The following CDH9 variants were observed in gnomAD, a reference collection of about 807,000 sequenced individuals.
The protein encoded by CDH9 is cadherin 9.
CDH9 carries 28 observed loss-of-function variants against 70.9 expected under a neutral mutation model. The observed-to-expected ratio is 0.40, with a 90% CI of 0.29 to 0.54. The LOEUF (loss-of-function observed/expected upper bound fraction) is 0.54, where lower values mean the gene tolerates loss of function less well. CDH9 is among the 20% of genes least tolerant of loss of function. CDH9 has a pLI of 0.59. For missense variants in CDH9, 874 were observed against 984.4 expected, an observed-to-expected ratio of 0.89 and a Z score of 1.50; for synonymous variants, 409 against 343.1, an observed-to-expected ratio of 1.19 and a Z score of -2.12.
chr5:27,023,121 A>C (rs994115269), intron 1 of CDH9, among the ~76,000 whole-genome samples: 1 of 152,030 alleles, frequency 6.6e-6, no homozygotes, highest in Non-Finnish European at 1.5e-5. Flanking sequence ...AAATGAATAC[A>C]AGATCCCTCT....
At chr5:26,952,989 T>C (rs995350665) in intron 2 of CDH9, among the ~76,000 whole-genome samples, 4 of 150,930 alleles carry the variant, frequency 2.7e-5, no homozygotes, top group Non-Finnish European at 5.9e-5. Flanking sequence ...AATTAAAGAA[T>C]TTCATAATTA....
chr5:27,017,125 C>A (rs1051651786), intron 1 of CDH9, among the ~76,000 whole-genome samples: 1 of 151,614 alleles, frequency 6.6e-6, no homozygotes, highest in Admixed American at 6.6e-5. Flanking sequence ...ATATATATGT[C>A]AAAGTACTTT....
At chr5:26,917,167 A>G (rs1365858696) in intron 2 of CDH9, among the ~76,000 whole-genome samples, 1 of 151,974 alleles carries the variant, frequency 6.6e-6, no homozygotes, top group East Asian at 1.9e-4. Context: ...AATTATGACT[A>G]CAGTATATTT....
At chr5:26,925,358 T>C (rs927827796) in intron 2 of CDH9, among the ~76,000 whole-genome samples, 4 of 152,200 alleles carry the variant, frequency 2.6e-5, no homozygotes, top group South Asian at 2.1e-4. Flanking sequence ...TTTTGAGAAG[T>C]ATCTGTTCAT....
At chr5:27,032,378 A>C (rs1308626647) in intron 1 of CDH9, among the ~76,000 whole-genome samples, 5 of 151,676 alleles carry the variant, frequency 3.3e-5, no homozygotes, top group Non-Finnish European at 5.9e-5. Context: ...ATAAGTGTAC[A>C]TATTATTATA....
intron 5 of CDH9, among the ~76,000 whole-genome samples, chr5:26,905,202 CA>C (rs1452405009): frequency 2.0e-5 from 3 of 151,904 alleles, no homozygotes; most frequent in African/African-American, 7.3e-5. Context: ...TTATTCACTG[CA>C]AAATAACAAA....
At chr5:26,962,146 G>T (rs1742047590) in intron 2 of CDH9, among the ~76,000 whole-genome samples, 1 of 152,090 alleles carries the variant, frequency 6.6e-6, no homozygotes, top group Admixed American at 6.6e-5. Flanking sequence ...TCCCTGCAAA[G>T]GACATAAACT....
intron 2 of CDH9, 41 bp downstream of exon 2, chr5:26,988,065 G>C (rs764744937): frequency 1.4e-6 from 2 of 1,428,002 alleles, no homozygotes; most frequent in Non-Finnish European, 1.9e-6. Context: ...ATAAATAGCT[G>C]TCACTTTCAG....
At chr5:26,937,606 C>T (rs1158194317) in intron 2 of CDH9, among the ~76,000 whole-genome samples, 4 of 152,052 alleles carry the variant, frequency 2.6e-5, no homozygotes, top group African/African-American at 9.7e-5. Flanking sequence ...AGTAATAAAT[C>T]ATGGTACATC....
chr5:26,910,353 G>T (rs996179877), intron 3 of CDH9, among the ~76,000 whole-genome samples: 2 of 152,082 alleles, frequency 1.3e-5, no homozygotes, highest in African/African-American at 4.8e-5. Context: ...AATTTAAACG[G>T]TTTTCTACAC....
At chr5:26,936,863 GCA>G (rs4052340) in intron 2 of CDH9, among the ~76,000 whole-genome samples, 5 of 120,126 alleles carry the variant, frequency 4.2e-5, no homozygotes, top group Non-Finnish European at 6.0e-5. Context: ...ACACACACAC[GCA>G]CACACACACA....
At chr5:26,915,588 A>G (rs1741134039) in intron 3 of CDH9, 42 bp downstream of exon 3, 1 of 1,170,616 alleles carries the variant, frequency 8.5e-7, no homozygotes, top group East Asian at 2.3e-5. Context: ...CTGAGCAAAC[A>G]AACAAATAAA....
At chr5:26,901,246 G>A (rs1046477047) in intron 7 of CDH9, among the ~76,000 whole-genome samples, 1 of 151,866 alleles carries the variant, frequency 6.6e-6, no homozygotes, top group African/African-American at 2.4e-5. Flanking sequence ...TACATAATTT[G>A]ATACTGATAA....
At chr5:26,963,490 G>A (rs1742075033) in intron 2 of CDH9, among the ~76,000 whole-genome samples, 1 of 152,038 alleles carries the variant, frequency 6.6e-6, no homozygotes, top group African/African-American at 2.4e-5. Flanking sequence ...AGCCCATCGA[G>A]AACATTTTTT....
At chr5:26,942,432 T>C (rs778504999) in intron 2 of CDH9, among the ~76,000 whole-genome samples, 9 of 152,172 alleles carry the variant, frequency 5.9e-5, no homozygotes, top group Non-Finnish European at 1.2e-4. Flanking sequence ...ACAGCCCTCA[T>C]GATTTAATCC....
chr5:26,957,697 C>A (rs1361231445), intron 2 of CDH9, among the ~76,000 whole-genome samples: 1 of 151,932 alleles, frequency 6.6e-6, no homozygotes, highest in Non-Finnish European at 1.5e-5. Context: ...ATTAATATTT[C>A]TTTGAATATT....
intron 7 of CDH9, among the ~76,000 whole-genome samples, chr5:26,899,118 G>T (rs944678930): frequency 6.6e-6 from 1 of 152,154 alleles, no homozygotes; most frequent in Admixed American, 6.6e-5. Flanking sequence ...AAACCACAAT[G>T]AGACACCATC....
chr5:27,019,984 G>A (rs1218047032), intron 1 of CDH9, among the ~76,000 whole-genome samples: 1 of 151,768 alleles, frequency 6.6e-6, no homozygotes, highest in Non-Finnish European at 1.5e-5. Context: ...CCTGTTGGAA[G>A]GTTGGGTTTA....
chr5:26,898,404 C>G (rs574954409), intron 7 of CDH9, among the ~76,000 whole-genome samples: 2 of 152,228 alleles, frequency 1.3e-5, no homozygotes. Context: ...GGAGGCATCA[C>G]GCCACCTGAC....
Sources: gnomAD v4.1 joint callset for allele counts (sites outside exome capture counted in the v4.1 genomes callset) on GRCh38, gnomAD v4.1.1 for gene constraint, MANE v1.5 for transcripts, NCBI Gene and HGNC (gene_info 2026-07-23, HGNC 2026-07-21) for gene names.